RYR2: variants seen among roughly 807,000 people sequenced by gnomAD.
RYR2 encodes the protein cardiac muscle ryanodine receptor-calcium release channel.
In RYR2, 227 loss-of-function variants were observed where a neutral mutation model predicts 601.1. That is an observed-to-expected ratio of 0.38 (90% CI 0.34 to 0.42). The LOEUF is 0.42. Among genes scored for constraint, RYR2 ranks in the 10% least tolerant of loss-of-function variants. The pLI is 1.00. For synonymous variants in RYR2, 2,223 were observed against 2,175.1 expected (o/e 1.02, Z -0.61); for missense variants, 4,646 against 6,156.5 (o/e 0.75, Z 8.21).
chr1:237,057,772 G>C (rs901164619), intron 1 of RYR2, among the ~76,000 whole-genome samples: 6 of 152,180 alleles, frequency 3.9e-5, no homozygotes, highest in African/African-American at 9.7e-5. Flanking sequence ...TACAAGATGG[G>C]ATAGAGATGC....
At chr1:237,503,163 C>T (rs1458083502) in intron 21 of RYR2, 126 bp from the exon 22 acceptor site, 21 of 752,264 alleles carry the variant, frequency 2.8e-5, no homozygotes, top group Middle Eastern at 2.8e-4. Context: ...TATGATGGTA[C>T]GTAGGGGAAA....
chr1:237,394,962 A>T (rs1702693134), intron 10 of RYR2, among the ~76,000 whole-genome samples: 1 of 152,134 alleles, frequency 6.6e-6, no homozygotes, highest in South Asian at 2.1e-4. Context: ...GGAGCAAGAG[A>T]GCAAAGGGGA....
In RYR2 at chr1:237,809,053, G is replaced by T; in HGVS notation, c.14433+18G>T. On this transcript the variant is annotated intron_variant, in intron 100 of 104. Transcript: ENST00000366574. ...TGCTAACAGTAAGTTCATAACCTTT[G>T]ATCTCACATAAACAAAAATGTCTCC... is the stretch of plus-strand genomic sequence containing the variant. 2 of 1,606,958 alleles carry T rather than the reference G, an allele frequency of 1.2e-6. No homozygotes were observed. Among genetic ancestry groups the T allele is most frequent in the South Asian group, 2.2e-5 (2 of 90,268 alleles).
At chr1:237,660,743 A>C in intron 55 of RYR2, 67 bp from the exon 56 acceptor site, 1 of 1,390,860 alleles carries the variant, frequency 7.2e-7, no homozygotes, top group Non-Finnish European at 9.7e-7. Context: ...TTTTAGAGCA[A>C]AGCGTTACTT....
intron 2 of RYR2, among the ~76,000 whole-genome samples, chr1:237,271,655 T>C (rs1372751925): frequency 2.0e-5 from 3 of 152,120 alleles, no homozygotes; most frequent in Non-Finnish European, 4.4e-5. Context: ...GAAAGAGCTA[T>C]GAAGAGGGTA....
chr1:237,530,265 C>G (rs544144534), intron 24 of RYR2, among the ~76,000 whole-genome samples, 162 bp from the exon 25 acceptor site: 1 of 151,188 alleles, frequency 6.6e-6, no homozygotes, highest in African/African-American at 2.4e-5. Flanking sequence ...GAGCCGAGAT[C>G]GCGCCACTGC....
chr1:237,609,358 C>A (rs1454363856), intron 35 of RYR2, among the ~76,000 whole-genome samples: 2 of 104,102 alleles, frequency 1.9e-5, no homozygotes, highest in Non-Finnish European at 3.7e-5. Context: ...CTCCCCCCTT[C>A]TCCCCTTCCC....
intron 51 of RYR2, among the ~76,000 whole-genome samples, chr1:237,652,300 C>A (rs947006259): frequency 6.6e-6 from 1 of 152,138 alleles, no homozygotes; most frequent in Non-Finnish European, 1.5e-5. Flanking sequence ...CTTTATTATT[C>A]TGTTCAGGAT....
intron 1 of RYR2, among the ~76,000 whole-genome samples, chr1:237,176,386 T>G (rs1004774613): frequency 8.6e-5 from 13 of 151,132 alleles, no homozygotes; most frequent in African/African-American, 3.1e-4. Flanking sequence ...TTTGTCTAAT[T>G]ACAACTGACA....
At chr1:237,086,441 G>A (rs1666340412) in intron 1 of RYR2, among the ~76,000 whole-genome samples, 1 of 152,064 alleles carries the variant, frequency 6.6e-6, no homozygotes, top group Non-Finnish European at 1.5e-5. Flanking sequence ...TACGAATTTT[G>A]TAGGAGGAGG....
intron 56 of RYR2, among the ~76,000 whole-genome samples, chr1:237,663,743 A>G (rs777364736): frequency 6.6e-6 from 1 of 152,236 alleles, no homozygotes; most frequent in Non-Finnish European, 1.5e-5. Context: ...TGTCGTTATC[A>G]TCGTTATGTG....
intron 32 of RYR2, among the ~76,000 whole-genome samples, chr1:237,592,961 C>T (rs1675388330): frequency 6.7e-6 from 1 of 148,208 alleles, no homozygotes; most frequent in South Asian, 2.1e-4. Context: ...GCAGAGGCTT[C>T]AGTGAGCTGA....
intron 100 of RYR2, among the ~76,000 whole-genome samples, chr1:237,811,090 TA>T (rs1661204004): frequency 6.6e-6 from 1 of 152,050 alleles, no homozygotes; most frequent in Non-Finnish European, 1.5e-5. Context: ...TTACCATAGG[TA>T]TTTTTTTATT....
intron 1 of RYR2, among the ~76,000 whole-genome samples, chr1:237,152,912 C>T (rs567351524): frequency 2.2e-5 from 2 of 90,698 alleles, no homozygotes; most frequent in Admixed American, 2.2e-4. Context: ...ACCCATCTGA[C>T]AAAGGTGTAA....
Position 237,314,328 on chromosome 1 carries a change from TGCTG to T in RYR2, c.169-16548_169-16545del, listed in dbSNP as rs1321457428. On this transcript the variant is annotated intron_variant, in intron 2 of 104. Transcript: ENST00000366574. Reference sequence around the variant, plus strand: ...ATCCACCTGCCTCAGCCTCCCAAAGTGCTGGGATTACAGGCGTGAGCCACCATGC... The same window carrying T: ...ATCCACCTGCCTCAGCCTCCCAAAGTGGATTACAGGCGTGAGCCACCATGC... Among the ~76,000 whole-genome samples, 3 of 152,228 alleles carry T rather than the reference TGCTG, an allele frequency of 2.0e-5. No homozygotes were observed. The East Asian group carries it at 5.8e-4, about 30-fold the overall frequency.
At chr1:237,596,717 C>A (rs1230847109) in intron 34 of RYR2, among the ~76,000 whole-genome samples, 2 of 152,128 alleles carry the variant, frequency 1.3e-5, no homozygotes, top group East Asian at 3.9e-4. Flanking sequence ...ACATTATAAT[C>A]AAACTGTCAA....
chr1:237,099,183 G>A (rs1399485608), intron 1 of RYR2, among the ~76,000 whole-genome samples: 1 of 151,966 alleles, frequency 6.6e-6, no homozygotes, highest in African/African-American at 2.4e-5. Flanking sequence ...GGTCAGCAGA[G>A]GTTGCTGTTC....
chr1:237,627,988 C>A lies in RYR2; in HGVS notation c.6348C>A (p.Thr2116=), dbSNP rs1334976066. Reference sequence around the variant, plus strand: ...TAAATGGTGTGTCCGTGGAGGACACCATCAACCTGCTGGCATCCCTTGGTC... The same window carrying A: ...TAAATGGTGTGTCCGTGGAGGACACAATCAACCTGCTGGCATCCCTTGGTC... ...YTINGVSVED[T]INLLASLGQI... is the part of the protein sequence containing the mutation. Residue 2116 remains threonine (T), a synonymous_variant, in exon 41 of 105, where the codon ACC becomes ACA. Transcript: ENST00000366574. 1 of 1,613,888 alleles carries A rather than the reference C, an allele frequency of 6.2e-7. No individual in the cohort carries two copies.
chr1:237,755,900 C>G (rs993545865), intron 80 of RYR2, among the ~76,000 whole-genome samples: 6 of 152,130 alleles, frequency 3.9e-5, no homozygotes, highest in African/African-American at 1.4e-4. Context: ...TGAGCAGTAT[C>G]AAGTTATGGC....
Sources: allele counts gnomAD v4.1 joint callset (sites outside exome capture counted in the v4.1 genomes callset), GRCh38; gene constraint gnomAD v4.1.1; transcripts MANE v1.5; gene names NCBI Gene and HGNC (gene_info 2026-07-23, HGNC 2026-07-21).